Variants in LRP1B observed in about 807,000 individuals in gnomAD.
LRP1B encodes low-density lipoprotein receptor-related protein 1B.
Under a neutral mutation model 556.6 loss-of-function variants are expected in LRP1B, and 217 were observed. That is an observed-to-expected ratio of 0.39 (90% confidence interval 0.35 to 0.44). The LOEUF is 0.44. Ranked by LOEUF, LRP1B falls within the 20% of genes least tolerant of loss-of-function variation. LRP1B has a pLI of 1.00. For missense variants in LRP1B, 5,053 were observed against 5,620.8 expected, an observed-to-expected ratio of 0.90 and a Z score of 3.23; for synonymous variants, 2,047 against 1,865.8, an observed-to-expected ratio of 1.10 and a Z score of -2.50.
intron 32 of LRP1B, among the ~76,000 whole-genome samples, chr2:140,788,470 T>C (rs1026053463): frequency 6.6e-6 from 1 of 151,676 alleles, no homozygotes; most frequent in African/African-American, 2.4e-5. Flanking sequence ...AAAAATAATA[T>C]ATATTACCTA....
intron 3 of LRP1B, among the ~76,000 whole-genome samples, chr2:141,476,404 A>C (rs1169272747): frequency 1.3e-5 from 2 of 152,184 alleles, no homozygotes; most frequent in South Asian, 2.1e-4. Flanking sequence ...TGTATTTTAC[A>C]GGATGCATTT....
At chr2:140,827,813 T>C (rs1559142292) in intron 31 of LRP1B, among the ~76,000 whole-genome samples, 1 of 151,946 alleles carries the variant, frequency 6.6e-6, no homozygotes, top group Non-Finnish European at 1.5e-5. Flanking sequence ...TCCCAAAGCA[T>C]ATAATAATCA....
At chr2:140,625,921 A>G (rs192310055) in intron 41 of LRP1B, among the ~76,000 whole-genome samples, 2 of 152,308 alleles carry the variant, frequency 1.3e-5, no homozygotes, top group Admixed American at 6.5e-5. Context: ...AAATCTGTAC[A>G]TGGTTGTTTA....
intron 6 of LRP1B, among the ~76,000 whole-genome samples, chr2:141,225,302 A>G (rs978076913): frequency 6.6e-6 from 1 of 152,196 alleles, no homozygotes; most frequent in Non-Finnish European, 1.5e-5. Context: ...ATTCACCCAT[A>G]AAAAGACAAT....
intron 41 of LRP1B, among the ~76,000 whole-genome samples, chr2:140,653,939 C>A (rs955115999): frequency 6.9e-6 from 1 of 145,434 alleles, no homozygotes; most frequent in Non-Finnish European, 1.5e-5. Flanking sequence ...GCAGGAGAAT[C>A]GCTTGAACCT....
intron 7 of LRP1B, among the ~76,000 whole-genome samples, chr2:141,141,965 T>C (rs1450899755): frequency 6.6e-6 from 1 of 152,074 alleles, no homozygotes; most frequent in Non-Finnish European, 1.5e-5. Flanking sequence ...GGCTAATAAA[T>C]GTTATATTGT....
chr2:141,358,725 A>G (rs187218765), intron 3 of LRP1B, among the ~76,000 whole-genome samples: 2 of 152,286 alleles, frequency 1.3e-5, no homozygotes, highest in Admixed American at 1.3e-4. Flanking sequence ...TATTTCTTGA[A>G]AGAATAGATA....
intron 3 of LRP1B, among the ~76,000 whole-genome samples, chr2:141,454,878 G>A (rs1292603676): frequency 6.6e-6 from 1 of 152,106 alleles, no homozygotes; most frequent in Non-Finnish European, 1.5e-5. Flanking sequence ...CATTACTGAG[G>A]AATACTCTCC....
chr2:140,560,279 T>A (rs1408049517), intron 43 of LRP1B, among the ~76,000 whole-genome samples: 1 of 152,168 alleles, frequency 6.6e-6, no homozygotes, highest in Admixed American at 6.5e-5. Flanking sequence ...AATCTGGTCA[T>A]CAAATGTAAT....
At chr2:140,567,741 G>C (rs1681178217) in intron 43 of LRP1B, among the ~76,000 whole-genome samples, 1 of 152,032 alleles carries the variant, frequency 6.6e-6, no homozygotes, top group Non-Finnish European at 1.5e-5. Flanking sequence ...AAACAAAGAG[G>C]GATCTCCTTG....
intron 7 of LRP1B, among the ~76,000 whole-genome samples, chr2:141,076,761 G>T (rs142857125): frequency 1.3e-5 from 2 of 151,996 alleles, no homozygotes; most frequent in African/African-American, 4.8e-5. Context: ...ACTACAACAG[G>T]GAATTCTAAA....
intron 41 of LRP1B, among the ~76,000 whole-genome samples, chr2:140,605,024 T>C (rs1008686792): frequency 6.6e-6 from 1 of 152,158 alleles, no homozygotes. Context: ...GTCTCGGGTA[T>C]GTCTTTATTA....
At chr2:141,639,796 A>G (rs550034385) in intron 2 of LRP1B, among the ~76,000 whole-genome samples, 1 of 152,150 alleles carries the variant, frequency 6.6e-6, no homozygotes, top group Admixed American at 6.5e-5. Flanking sequence ...AAACAGTAAA[A>G]TTCTTAAGAG....
intron 2 of LRP1B, among the ~76,000 whole-genome samples, chr2:141,779,025 C>A (rs1342511022): frequency 6.6e-6 from 1 of 152,094 alleles, no homozygotes; most frequent in Non-Finnish European, 1.5e-5. Context: ...TCTACTTAAC[C>A]ATTTATATTA....
At chr2:141,436,749 T>C (rs190330915) in intron 3 of LRP1B, among the ~76,000 whole-genome samples, 98 of 152,298 alleles carry the variant, frequency 6.4e-4, no homozygotes, top group Non-Finnish European at 9.4e-4. Context: ...TAAATTGTTT[T>C]AGTTTCTCTG....
chr2:140,489,117 G>A (rs73961417), intron 57 of LRP1B, among the ~76,000 whole-genome samples: 1 of 151,956 alleles, frequency 6.6e-6, no homozygotes, highest in Non-Finnish European at 1.5e-5. Context: ...AATAAGAGAA[G>A]GTTCTGGCAA....
intron 2 of LRP1B, among the ~76,000 whole-genome samples, chr2:141,622,319 T>C (rs1166884736): frequency 2.0e-5 from 3 of 152,242 alleles, no homozygotes; most frequent in Non-Finnish European, 4.4e-5. Flanking sequence ...TCTATGAATA[T>C]CACAGCATGC....
intron 22 of LRP1B, among the ~76,000 whole-genome samples, chr2:140,904,826 G>T (rs186715366): frequency 1.3e-5 from 2 of 152,084 alleles, no homozygotes; most frequent in East Asian, 1.9e-4. Context: ...GTAAAGAAAT[G>T]TCATTGTGCC....
At chr2:140,451,099 G>T (rs569998474) in intron 62 of LRP1B, among the ~76,000 whole-genome samples, 1 of 152,060 alleles carries the variant, frequency 6.6e-6, no homozygotes, top group Non-Finnish European at 1.5e-5. Flanking sequence ...ATGCCACCTC[G>T]CCCAGAAAAT....
Sources: allele counts gnomAD v4.1 joint callset (sites outside exome capture counted in the v4.1 genomes callset), GRCh38; gene constraint gnomAD v4.1.1; transcripts MANE v1.5; gene names NCBI Gene and HGNC (gene_info 2026-07-23, HGNC 2026-07-21).